SGCZ: variants seen among roughly 807,000 people sequenced by gnomAD.
The protein encoded by SGCZ is zeta-sarcoglycan.
SGCZ carries 40 observed loss-of-function variants against 41.3 expected under a neutral mutation model. The observed-to-expected ratio is 0.97, with a 90% CI of 0.75 to 1.26. SGCZ has a LOEUF of 1.26. SGCZ is among the 50% of genes most tolerant of loss of function. The pLI is 0.00. For missense variants in SGCZ, 552 were observed against 369.8 expected (o/e 1.49, Z -4.04); for synonymous variants, 206 against 137.5 (o/e 1.50, Z -3.49).
intron 1 of SGCZ, among the ~76,000 whole-genome samples, chr8:15,139,630 C>T (rs1350562852): frequency 6.6e-6 from 1 of 151,962 alleles, no homozygotes; most frequent in Non-Finnish European, 1.5e-5. Context: ...GTGACAAAAC[C>T]AGCTAAAGTC....
chr8:14,463,641 T>C (rs55981406), intron 2 of SGCZ, among the ~76,000 whole-genome samples: 37,284 of 151,518 alleles, frequency 0.25, 4,925 homozygotes, highest in Admixed American at 0.31. Flanking sequence ...ACAGACAAAC[T>C]GTATTTTGTG....
chr8:14,838,994 T>G (rs1192467637), intron 1 of SGCZ, among the ~76,000 whole-genome samples: 2 of 152,026 alleles, frequency 1.3e-5, no homozygotes, highest in East Asian at 1.9e-4. Context: ...ATCTCCTCAG[T>G]ATGAAAGAAA....
intron 1 of SGCZ, among the ~76,000 whole-genome samples, chr8:15,208,005 A>G (rs1801123274): frequency 6.6e-6 from 1 of 152,214 alleles, no homozygotes; most frequent in Non-Finnish European, 1.5e-5. Context: ...TTTCTCCAAA[A>G]TCTTAGAAAC....
At chr8:14,889,745 G>C (rs1374702248) in intron 1 of SGCZ, among the ~76,000 whole-genome samples, 1 of 151,652 alleles carries the variant, frequency 6.6e-6, no homozygotes, top group Non-Finnish European at 1.5e-5. Flanking sequence ...TAGATATTTT[G>C]TGTATTTAAA....
intron 4 of SGCZ, among the ~76,000 whole-genome samples, chr8:14,236,012 G>T (rs1261207328): frequency 1.3e-5 from 2 of 152,134 alleles, no homozygotes; most frequent in African/African-American, 4.8e-5. Flanking sequence ...TTTCTACTAA[G>T]AACTTCTTTT....
At chr8:14,886,410 T>C (rs1223728626) in intron 1 of SGCZ, among the ~76,000 whole-genome samples, 2 of 152,070 alleles carry the variant, frequency 1.3e-5, no homozygotes, top group East Asian at 1.9e-4. Flanking sequence ...GCAAAATATA[T>C]TGGGAGGTAG....
chr8:15,112,361 G>C (rs1297482118), intron 1 of SGCZ, among the ~76,000 whole-genome samples: 1 of 152,190 alleles, frequency 6.6e-6, no homozygotes, highest in Non-Finnish European at 1.5e-5. Context: ...CCTTCTGCTA[G>C]TAGCTTGCTT....
chr8:14,601,431 T>A (rs190661140), intron 1 of SGCZ, among the ~76,000 whole-genome samples: 1 of 151,748 alleles, frequency 6.6e-6, no homozygotes, highest in African/African-American at 2.4e-5. Context: ...AAGAATACAG[T>A]TAGTTTCTTG....
intron 1 of SGCZ, among the ~76,000 whole-genome samples, chr8:14,856,518 G>A (rs1309509577): frequency 1.3e-5 from 2 of 152,174 alleles, no homozygotes; most frequent in African/African-American, 2.4e-5. Context: ...CTTGGTATGA[G>A]TGACTGCTAC....
At chr8:14,329,062 G>GTT (rs71541661) in intron 2 of SGCZ, among the ~76,000 whole-genome samples, 35 of 151,210 alleles carry the variant, frequency 2.3e-4, no homozygotes, top group African/African-American at 3.6e-4. Flanking sequence ...TATTTTCTGC[G>GTT]TTTTTTTTTC....
chr8:14,457,360 C>G (rs1178922614), intron 2 of SGCZ, among the ~76,000 whole-genome samples: 1 of 152,198 alleles, frequency 6.6e-6, no homozygotes, highest in Non-Finnish European at 1.5e-5. Flanking sequence ...TGCCTGTTAC[C>G]AGGTGGATCA....
At chr8:14,669,728 A>G (rs991729900) in intron 1 of SGCZ, among the ~76,000 whole-genome samples, 2 of 140,958 alleles carry the variant, frequency 1.4e-5, no homozygotes, top group African/African-American at 5.4e-5. Flanking sequence ...ACACACACAC[A>G]CACAATATTT....
chr8:15,227,981 TA>T (rs1239545476), intron 1 of SGCZ, among the ~76,000 whole-genome samples: 1 of 152,220 alleles, frequency 6.6e-6, no homozygotes, highest in Non-Finnish European at 1.5e-5. Context: ...GAAACTTTAC[TA>T]TGGCTTAAAT....
intron 1 of SGCZ, among the ~76,000 whole-genome samples, chr8:14,583,841 A>G (rs1804973774): frequency 6.6e-6 from 1 of 152,068 alleles, no homozygotes. Flanking sequence ...ATATATATAT[A>G]AACAAATAAT....
At chr8:15,040,569 C>T (rs1007072881) in intron 1 of SGCZ, among the ~76,000 whole-genome samples, 1 of 151,968 alleles carries the variant, frequency 6.6e-6, no homozygotes, top group African/African-American at 2.4e-5. Context: ...TGCAGTGAGC[C>T]GAGACTGCAC....
At chr8:14,576,008 TA>T (rs1804700194) in intron 1 of SGCZ, among the ~76,000 whole-genome samples, 1 of 151,950 alleles carries the variant, frequency 6.6e-6, no homozygotes, top group Non-Finnish European at 1.5e-5. Context: ...CAAAATATGT[TA>T]AATGAGAAAA....
At position 15,147,543 on chromosome 8, in the gene SGCZ, G is replaced by A. The variant is rs538126285; in HGVS notation, c.39+90042C>T. ...TCCACCTCCCTCGGCCCCACAAAGT[G>A]CTGGGATCACAGGCGTGAGCTGCCG... On this transcript the variant is annotated intron_variant, in intron 1 of 7. Transcript: ENST00000382080. Among the ~76,000 whole-genome samples, 3 of 152,318 alleles carry A rather than the reference G, an allele frequency of 2.0e-5. No individual in the cohort carries two copies. In the South Asian group the frequency reaches 6.2e-4, roughly 32 times the overall value.
At chr8:14,443,597 T>C (rs576806580) in intron 2 of SGCZ, among the ~76,000 whole-genome samples, 155 of 152,310 alleles carry the variant, frequency 1.0e-3, no homozygotes, top group African/African-American at 3.6e-3. Context: ...CTGGGAAAAC[T>C]GGCTAGCCAT....
chr8:15,091,537 T>C (rs571441621), intron 1 of SGCZ, among the ~76,000 whole-genome samples: 87 of 152,286 alleles, frequency 5.7e-4, no homozygotes, highest in African/African-American at 2.1e-3. Flanking sequence ...AGAATCAAAG[T>C]GTATGCCAAA....
Sources: gnomAD v4.1 joint callset for allele counts (sites outside exome capture counted in the v4.1 genomes callset) on GRCh38, gnomAD v4.1.1 for gene constraint, MANE v1.5 for transcripts, NCBI Gene and HGNC (gene_info 2026-07-23, HGNC 2026-07-21) for gene names.